Variants in TENM2 observed in about 807,000 individuals in gnomAD.
The protein encoded by TENM2 is teneurin transmembrane protein 2.
In TENM2, 52 loss-of-function variants were observed where a neutral mutation model predicts 245.2. The ratio of observed to expected loss-of-function variants is 0.21; its 90% CI spans 0.17 to 0.27. The LOEUF (loss-of-function observed/expected upper bound fraction) is 0.27, where lower values mean the gene tolerates loss of function less well. TENM2 is among the 10% of genes least tolerant of loss of function. TENM2 has a pLI of 1.00. For missense variants in TENM2, 3,046 were observed against 3,666.8 expected (o/e 0.83, Z 4.37); for synonymous variants, 1,363 against 1,438.9 (o/e 0.95, Z 1.19).
the TENM2 span, among the ~76,000 whole-genome samples, chr5:167,111,168 T>G: frequency 3.3e-5 from 5 of 152,202 alleles, no homozygotes; most frequent in Admixed American, 3.3e-4. Flanking sequence ...TCCTTTATAT[T>G]TTGTTTTATT....
chr5:167,551,836 G>C (rs1296002836), intron 2 of TENM2, among the ~76,000 whole-genome samples: 2 of 152,084 alleles, frequency 1.3e-5, no homozygotes, highest in Admixed American at 6.6e-5. Context: ...CTCCTTATTG[G>C]GACAGCTAAA....
At chr5:167,556,857 G>T (rs370638821) in intron 2 of TENM2, among the ~76,000 whole-genome samples, 2 of 152,126 alleles carry the variant, frequency 1.3e-5, no homozygotes, top group African/African-American at 2.4e-5. Flanking sequence ...TTAGGTGCCC[G>T]TGTTGATCAC....
At chr5:168,066,215 A>C (rs1790490550) in intron 7 of TENM2, among the ~76,000 whole-genome samples, 1 of 152,236 alleles carries the variant, frequency 6.6e-6, no homozygotes, top group African/African-American at 2.4e-5. Context: ...CAAGAAAAGG[A>C]GTAGATGGAG....
chr5:168,003,306 AACACACACACAC>A (rs70976455), intron 5 of TENM2, among the ~76,000 whole-genome samples: 19 of 90,544 alleles, frequency 2.1e-4, no homozygotes, highest in Non-Finnish European at 3.1e-4. Context: ...TTTAAGAAAA[AACACACACACAC>A]ACACACACAC....
intron 5 of TENM2, among the ~76,000 whole-genome samples, chr5:168,002,460 G>A (rs1784483365): frequency 6.6e-6 from 1 of 152,190 alleles, no homozygotes; most frequent in African/African-American, 2.4e-5. Flanking sequence ...AGGGTCAGTG[G>A]CAGTGTGTCA....
intron 1 of TENM2, among the ~76,000 whole-genome samples, chr5:167,370,625 A>ACTAT (rs1760360278): frequency 1.3e-5 from 2 of 152,370 alleles, no homozygotes; most frequent in Admixed American, 1.3e-4. Flanking sequence ...CCATGGGGCC[A>ACTAT]CACTGGGTGA....
At position 167,847,216 on chromosome 5, in the gene TENM2, G is replaced by T. The variant is rs575502045; in HGVS notation, c.503-28770G>T. On this transcript the variant is annotated intron_variant, in intron 2 of 28. Transcript: ENST00000518659. The stretch of plus-strand genomic sequence containing the variant: ...GATCCTCTTGCCTTAGACTCCCAAA[G>T]TGCTGGGATTACAGGCATGAGCCGC... Among the ~76,000 whole-genome samples, 305 of 152,284 alleles carry T rather than the reference G, an allele frequency of 2.0e-3. 1 individual carries two copies. The highest frequency in any genetic ancestry group is 7.1e-3 in the African/African-American group (293 of 41,556).
the TENM2 span, among the ~76,000 whole-genome samples, chr5:166,985,649 T>A: frequency 1.3e-5 from 2 of 152,148 alleles, no homozygotes; most frequent in Non-Finnish European, 2.9e-5. Flanking sequence ...TTATTATATT[T>A]ATTGGATGTG....
intron 2 of TENM2, among the ~76,000 whole-genome samples, chr5:167,754,728 C>CAAA (rs10663941): frequency 0.14 from 20,426 of 145,104 alleles, 2,670 homozygotes; most frequent in East Asian, 0.62. Context: ...AGAGATATTT[C>CAAA]AAAAAAAAAA....
At chr5:167,738,185 G>A (rs1268908721) in intron 2 of TENM2, among the ~76,000 whole-genome samples, 3 of 152,226 alleles carry the variant, frequency 2.0e-5, no homozygotes, top group African/African-American at 4.8e-5. Context: ...GTGCGTGACT[G>A]CTTGATATCT....
chr5:167,496,217 C>T (rs866445009), intron 2 of TENM2, among the ~76,000 whole-genome samples: 78 of 152,106 alleles, frequency 5.1e-4, no homozygotes, highest in African/African-American at 1.9e-3. Context: ...ATTTTCCTTC[C>T]TCATTTAGTT....
chr5:167,440,306 T>A (rs1764808716), intron 2 of TENM2, among the ~76,000 whole-genome samples: 1 of 152,098 alleles, frequency 6.6e-6, no homozygotes, highest in African/African-American at 2.4e-5. Flanking sequence ...CAATGCTAAG[T>A]GAAATGTAGA....
At chr5:167,626,709 G>A (rs115186647) in intron 2 of TENM2, among the ~76,000 whole-genome samples, 257 of 152,242 alleles carry the variant, frequency 1.7e-3, no homozygotes, top group African/African-American at 6.0e-3. Flanking sequence ...AAAAGCACTC[G>A]AAAAGGACAA....
intron 2 of TENM2, among the ~76,000 whole-genome samples, chr5:167,496,821 T>C (rs1768851159): frequency 6.6e-6 from 1 of 152,054 alleles, no homozygotes. Context: ...TTTTTTCCCT[T>C]CATAGTCCTC....
chr5:167,604,317 T>C (rs1776868005), intron 2 of TENM2, among the ~76,000 whole-genome samples: 1 of 152,204 alleles, frequency 6.6e-6, no homozygotes, highest in Admixed American at 6.5e-5. Context: ...CCTTCACTTT[T>C]AGCCTTGAAA....
chr5:167,077,985 G>T, the TENM2 span, among the ~76,000 whole-genome samples: 1 of 151,684 alleles, frequency 6.6e-6, no homozygotes, highest in Admixed American at 6.6e-5. Context: ...TAGGTGTTGA[G>T]AAAATATAAG....
At chr5:167,620,548 G>GC (rs1778092080) in intron 2 of TENM2, among the ~76,000 whole-genome samples, 3 of 35,568 alleles carry the variant, frequency 8.4e-5, no homozygotes. Flanking sequence ...TTGCTTTTTG[G>GC]CTTTTTTTTT....
intron 1 of TENM2, among the ~76,000 whole-genome samples, chr5:167,353,500 G>GTTTTTTTTTTTTTTT (rs59240930): frequency 1.3e-5 from 1 of 79,440 alleles, no homozygotes; most frequent in Non-Finnish European, 2.1e-5. Flanking sequence ...TGTTGTTGTT[G>GTTTTTTTTTTTTTTT]TTTTTTTTTT....
intron 1 of TENM2, among the ~76,000 whole-genome samples, chr5:167,328,210 T>G (rs1187402246): frequency 1.4e-5 from 2 of 140,938 alleles, no homozygotes; most frequent in African/African-American, 2.7e-5. Flanking sequence ...TATCGTTTTT[T>G]TTTTTTTTTT....
Sources: allele counts gnomAD v4.1 joint callset (sites outside exome capture counted in the v4.1 genomes callset), GRCh38; gene constraint gnomAD v4.1.1; transcripts MANE v1.5; gene names NCBI Gene and HGNC (gene_info 2026-07-23, HGNC 2026-07-21).